CYP7B1: variants seen among roughly 807,000 people sequenced by gnomAD.
The protein encoded by CYP7B1 is cytochrome P450 family 7 subfamily B member 1.
CYP7B1 carries 29 observed loss-of-function variants against 42.7 expected under a neutral mutation model. That is an observed-to-expected ratio of 0.68 (90% CI 0.51 to 0.93). The LOEUF (loss-of-function observed/expected upper bound fraction) is 0.93. Among genes scored for constraint, CYP7B1 ranks in the 40% least tolerant of loss-of-function variants. The pLI, the probability that CYP7B1 is intolerant of heterozygous loss-of-function variation, is 0.00. For synonymous variants in CYP7B1, 235 were observed against 218.2 expected (o/e 1.08, Z -0.68); for missense variants, 655 against 600.5 (o/e 1.09, Z -0.95).
At chr8:64,651,678 G>C (rs1011747977) in intron 1 of CYP7B1, among the ~76,000 whole-genome samples, 1 of 152,158 alleles carries the variant, frequency 6.6e-6, no homozygotes, top group East Asian at 1.9e-4. Flanking sequence ...TCTTATAAAA[G>C]AGACCTCAGA....
intron 1 of CYP7B1, among the ~76,000 whole-genome samples, chr8:64,768,927 T>C (rs1804157424): frequency 6.6e-6 from 1 of 152,196 alleles, no homozygotes; most frequent in Non-Finnish European, 1.5e-5. Flanking sequence ...GCAAACTCTA[T>C]GAGTTTGTTG....
chr8:64,608,286 G>C (rs936363118), intron 4 of CYP7B1, among the ~76,000 whole-genome samples: 1 of 152,220 alleles, frequency 6.6e-6, no homozygotes, highest in African/African-American at 2.4e-5. Context: ...ATAAAGGATG[G>C]ATGATTCTCA....
intron 1 of CYP7B1, among the ~76,000 whole-genome samples, chr8:64,770,572 T>C (rs1019629212): frequency 1.3e-5 from 2 of 152,186 alleles, no homozygotes; most frequent in African/African-American, 4.8e-5. Context: ...AAAATAAAAC[T>C]ATTGAACAAT....
chr8:64,761,558 T>C (rs545960434), intron 1 of CYP7B1, among the ~76,000 whole-genome samples: 5 of 152,228 alleles, frequency 3.3e-5, no homozygotes, highest in Admixed American at 6.5e-5. Context: ...TTTTAAAATG[T>C]ATATATATGT....
chr8:64,686,141 G>T (rs1806637302), intron 1 of CYP7B1, among the ~76,000 whole-genome samples: 1 of 98,412 alleles, frequency 1.0e-5, no homozygotes, highest in Non-Finnish European at 2.2e-5. Context: ...GCCCCGTCTG[G>T]GAGGTGAGGG....
At chr8:64,640,537 A>G (rs1805837099) in intron 1 of CYP7B1, among the ~76,000 whole-genome samples, 1 of 152,176 alleles carries the variant, frequency 6.6e-6, no homozygotes, top group Admixed American at 6.6e-5. Context: ...TTCCAAGCCG[A>G]ACTCTCTCCT....
At chr8:64,689,001 T>G (rs1563392211) in intron 1 of CYP7B1, among the ~76,000 whole-genome samples, 1 of 152,200 alleles carries the variant, frequency 6.6e-6, no homozygotes, top group Non-Finnish European at 1.5e-5. Context: ...TGCCATTAAG[T>G]TTAAATATCC....
intron 1 of CYP7B1, among the ~76,000 whole-genome samples, chr8:64,729,595 T>A (rs1186536496): frequency 6.6e-6 from 1 of 152,204 alleles, no homozygotes; most frequent in African/African-American, 2.4e-5. Context: ...TCCAGCATAG[T>A]GTAATTTAAA....
chr8:64,616,433 C>T (rs1439932889), intron 2 of CYP7B1, 152 bp from the exon 3 acceptor site: 18 of 635,814 alleles, frequency 2.8e-5, no homozygotes, highest in Non-Finnish European at 4.6e-5. Context: ...TTCGAAGGTA[C>T]ACTACATGTT....
rs1264078929 is a variant in CYP7B1, at chr8:64,615,672, C to T, written c.850+19G>A. 4 of 1,604,864 alleles carry T rather than the reference C, an allele frequency of 2.5e-6. No individual in the cohort carries two copies. In the African/African-American group the frequency reaches 5.4e-5, roughly 22 times the overall value. On this transcript the variant is annotated intron_variant, in intron 3 of 5. Transcript: ENST00000310193. ...TAAATGATTTTATTTTAGGCAAGTGCTCATTCAGAAGTTCTTACCTCCTAT... is the reference window on the plus strand; with the variant it reads ...TAAATGATTTTATTTTAGGCAAGTGTTCATTCAGAAGTTCTTACCTCCTAT...
chr8:64,620,932 T>C (rs1052831071), intron 2 of CYP7B1, among the ~76,000 whole-genome samples: 5 of 152,310 alleles, frequency 3.3e-5, no homozygotes, highest in Non-Finnish European at 7.4e-5. Context: ...GTGAATAAAG[T>C]GATTCAAATC....
intron 1 of CYP7B1, among the ~76,000 whole-genome samples, chr8:64,751,245 G>GTATT (rs1807720956): frequency 6.6e-6 from 1 of 152,114 alleles, no homozygotes; most frequent in South Asian, 2.1e-4. Context: ...ACCACTGCTA[G>GTATT]TATTTAGGTA....
intron 1 of CYP7B1, among the ~76,000 whole-genome samples, chr8:64,689,058 GTCTT>G (rs1806699506): frequency 6.6e-6 from 1 of 152,130 alleles, no homozygotes; most frequent in South Asian, 2.1e-4. Context: ...AAATAGATGT[GTCTT>G]TCTTTACTTT....
intron 1 of CYP7B1, among the ~76,000 whole-genome samples, chr8:64,649,938 G>GCTC (rs35067417): frequency 0.066 from 9,987 of 152,076 alleles, 396 homozygotes; most frequent in South Asian, 0.17. Context: ...AATTGTAGAA[G>GCTC]CTTTTATATC....
intron 1 of CYP7B1, among the ~76,000 whole-genome samples, chr8:64,708,679 AATT>A (rs1807035619): frequency 6.6e-6 from 1 of 152,180 alleles, no homozygotes; most frequent in Admixed American, 6.5e-5. Context: ...TTTTGTTAGA[AATT>A]AATAATTTTT....
chr8:64,630,296 T>C (rs1489697737), intron 1 of CYP7B1, among the ~76,000 whole-genome samples: 1 of 152,216 alleles, frequency 6.6e-6, no homozygotes. Context: ...AAATTTGAGT[T>C]CAGATATGAA....
intron 1 of CYP7B1, among the ~76,000 whole-genome samples, chr8:64,711,726 T>C (rs774223632): frequency 1.3e-5 from 2 of 152,208 alleles, no homozygotes; most frequent in Non-Finnish European, 2.9e-5. Flanking sequence ...TAATACGCCT[T>C]CCTTCTATAA....
chr8:64,772,688 C>T (rs1804256412), intron 1 of CYP7B1, among the ~76,000 whole-genome samples: 1 of 152,214 alleles, frequency 6.6e-6, no homozygotes, highest in Non-Finnish European at 1.5e-5. Context: ...TACTGCACAC[C>T]ATTTCAGAAC....
At chr8:64,791,851 T>A (rs1318859088) in intron 1 of CYP7B1, among the ~76,000 whole-genome samples, 1 of 152,184 alleles carries the variant, frequency 6.6e-6, no homozygotes, top group Non-Finnish European at 1.5e-5. Context: ...GCTAAAAGAA[T>A]TCTGAGGAGA....
Sources: gnomAD v4.1 joint callset for allele counts (sites outside exome capture counted in the v4.1 genomes callset) on GRCh38, gnomAD v4.1.1 for gene constraint, MANE v1.5 for transcripts, NCBI Gene and HGNC (gene_info 2026-07-23, HGNC 2026-07-21) for gene names.